HACD4: variants seen among roughly 807,000 people sequenced by gnomAD.
The protein encoded by HACD4 is 3-hydroxyacyl-CoA dehydratase 4, also known as very-long-chain (3R)-3-hydroxyacyl-CoA dehydratase 4.
A neutral mutation model predicts 33.3 loss-of-function variants in HACD4; 35 were observed. The observed-to-expected ratio is 1.05, with a 90% CI of 0.80 to 1.39. The LOEUF (loss-of-function observed/expected upper bound fraction) is 1.39, where lower values mean the gene tolerates loss of function less well. Among genes scored for constraint, HACD4 ranks in the 40% most tolerant of loss-of-function variants. The probability of loss-of-function intolerance (pLI) is 0.00; values close to 1 mark genes in which losing one functional copy is unlikely to be tolerated. For missense variants in HACD4, 323 were observed against 276.5 expected, an observed-to-expected ratio of 1.17 and a Z score of -1.19; for synonymous variants, 118 against 98.0, an observed-to-expected ratio of 1.20 and a Z score of -1.21.
At chr9:21,013,226 A>T (rs1432518351) in intron 4 of HACD4, among the ~76,000 whole-genome samples, 1 of 151,992 alleles carries the variant, frequency 6.6e-6, no homozygotes, top group African/African-American at 2.4e-5. Flanking sequence ...GTGAGTGGTT[A>T]ACTTCATTTT....
chr9:21,010,261 A>C (rs1205172935), intron 5 of HACD4, among the ~76,000 whole-genome samples: 1 of 152,198 alleles, frequency 6.6e-6, no homozygotes, highest in Non-Finnish European at 1.5e-5. Context: ...TTGCAGAAGA[A>C]AGCATATATT....
In HACD4 at chr9:21,023,574, CT is replaced by C. The variant is rs397709627; in HGVS notation, c.270+3021del. On this transcript the variant is annotated intron_variant, in intron 3 of 6. Transcript: ENST00000495827. ...AAGAATTCAGTTGTCACTTAACAAT[CT>C]TTTTTTTTTTTTTTTTTGAGACGGA... Among the ~76,000 whole-genome samples, 995 of 128,896 alleles carry C rather than the reference CT, an allele frequency of 7.7e-3. 7 individuals carry two copies. Among genetic ancestry groups the C allele is most frequent in the African/African-American group, 0.02 (701 of 35,002 alleles). The allele number at this position is 128,896 out of a possible 152,430, so 84.6% of individuals were successfully genotyped here.
Position 21,003,611 on chromosome 9 carries a change from A to AAGTT in HACD4, c.*3422_*3425dup, listed in dbSNP as rs1183106785. 4 of 152,162 alleles carry AAGTT rather than the reference A, an allele frequency of 2.6e-5. No homozygotes were observed. The highest frequency in any genetic ancestry group is 4.4e-5 in the Non-Finnish European group (3 of 68,010). 9.4% of individuals were successfully genotyped at this position (152,162 alleles called of 1,614,324 possible). A position where few individuals can be genotyped will look rare whatever the true frequency, so the allele number is the denominator to read the frequency against. On this transcript the variant is annotated 3_prime_UTR_variant, in exon 7 of 7. Transcript: ENST00000495827. Reference sequence around the variant, plus strand: ...TCCAAATGTTTTCTTTAGTGGAAATAAGTTACCCATTTTTAAAATTACATT... The same window carrying AAGTT: ...TCCAAATGTTTTCTTTAGTGGAAATAAGTTAGTTACCCATTTTTAAAATTACATT...
chr9:21,026,165 G>A (rs911775961), intron 3 of HACD4, among the ~76,000 whole-genome samples: 2 of 152,210 alleles, frequency 1.3e-5, no homozygotes, highest in Non-Finnish European at 2.9e-5. Flanking sequence ...CTCTTTGCCA[G>A]GTATTATTTG....
chr9:21,021,333 C>G (rs1005917823), intron 3 of HACD4, among the ~76,000 whole-genome samples: 1 of 152,166 alleles, frequency 6.6e-6, no homozygotes, highest in African/African-American at 2.4e-5. Context: ...CAGGGATGCC[C>G]TCTCTCACCA....
chr9:21,029,379 G>C lies in HACD4; in HGVS notation c.58C>G (p.Leu20Val), dbSNP rs1455068998. 6.3e-6 allele frequency: 10 copies of C among 1,586,428 alleles called. No individual in the cohort carries two copies. Among genetic ancestry groups the C allele is most frequent in the Non-Finnish European group, 8.6e-6 (10 of 1,157,628 alleles). ...AACTGGATTAAGTAATAGATGAAAA[G>C]ATACGCATTCTTCCTATACCTATAA... Reference protein sequence around the residue: ...LQPRYRKNAYLFIYYLIQFCG... With the variant: ...LQPRYRKNAYVFIYYLIQFCG... Residue 20 changes from leucine to valine, a missense_variant, in exon 2 of 7, where the codon CTT becomes GTT. Leu to Val is a conservative substitution (Grantham distance 32). Transcript: ENST00000495827.
chr9:21,025,829 T>C (rs1201857453), intron 3 of HACD4, among the ~76,000 whole-genome samples: 1 of 152,236 alleles, frequency 6.6e-6, no homozygotes, highest in Non-Finnish European at 1.5e-5. Flanking sequence ...CCGAGTATTG[T>C]ATTCTTAACT....
intron 3 of HACD4, among the ~76,000 whole-genome samples, chr9:21,018,958 C>T (rs1428685528): frequency 2.0e-5 from 3 of 151,992 alleles, no homozygotes; most frequent in Non-Finnish European, 4.4e-5. Flanking sequence ...AAATTAATTT[C>T]TAGAATCTTA....
intron 5 of HACD4, among the ~76,000 whole-genome samples, chr9:21,008,949 C>T (rs537977543): frequency 1.3e-5 from 2 of 152,192 alleles, no homozygotes; most frequent in South Asian, 2.1e-4. Flanking sequence ...CAAGAGTTCA[C>T]AACTGTTAGA....
intron 3 of HACD4, among the ~76,000 whole-genome samples, chr9:21,021,091 C>G (rs530748060): frequency 1.3e-5 from 2 of 152,222 alleles, no homozygotes; most frequent in Non-Finnish European, 2.9e-5. Flanking sequence ...GATCAATAAA[C>G]GTAATCCATC....
At chr9:21,021,227 C>T (rs1817899901) in intron 3 of HACD4, among the ~76,000 whole-genome samples, 1 of 152,128 alleles carries the variant, frequency 6.6e-6, no homozygotes, top group Admixed American at 6.5e-5. Flanking sequence ...TGGGACGTAT[C>T]TCAAAATAAT....
chr9:21,030,936 T>C (rs193282871), intron 1 of HACD4, among the ~76,000 whole-genome samples: 1 of 152,200 alleles, frequency 6.6e-6, no homozygotes, highest in Admixed American at 6.5e-5. Flanking sequence ...GGTCAAGATT[T>C]ACTCCTCCTT....
At chr9:21,023,539 TC>T (rs1817982453) in intron 3 of HACD4, among the ~76,000 whole-genome samples, 1 of 151,026 alleles carries the variant, frequency 6.6e-6, no homozygotes, top group South Asian at 2.1e-4. Context: ...GAGGACCAGT[TC>T]CCCCCAAGAA....
At chr9:21,015,841 G>C in intron 4 of HACD4, 57 bp downstream of exon 4, 1 of 1,025,766 alleles carries the variant, frequency 9.7e-7, no homozygotes, top group South Asian at 1.3e-5. Context: ...TGCTAGTACT[G>C]GTTTCACTGC....
intron 1 of HACD4, 89 bp from the exon 2 acceptor site, chr9:21,029,487 T>G (rs908366835): frequency 4.0e-6 from 3 of 744,878 alleles, no homozygotes; most frequent in Non-Finnish European, 6.5e-6. Flanking sequence ...CTGGCCAACC[T>G]GAGAAAGCAA....
rs920533673 is a variant in HACD4 at position 21,007,882 on chromosome 9, C to T, written c.616+139G>A. ...AGCATTATAACCTCCAGGGGCTTTACTAGCAAGATCTAGTTCATGATGTCA... is the reference window on the plus strand; with the variant it reads ...AGCATTATAACCTCCAGGGGCTTTATTAGCAAGATCTAGTTCATGATGTCA... On this transcript the variant is annotated intron_variant, in intron 6 of 6. Transcript: ENST00000495827. The T allele has an allele frequency of 4.7e-6, 3 of 642,950 alleles. No individual in the cohort carries two copies. In the African/African-American group the frequency reaches 5.7e-5, roughly 12 times the overall value. The allele number at this position is 642,950 out of a possible 1,614,324, so 39.8% of individuals were successfully genotyped here.
chr9:21,027,963 C>T (rs1027015523), intron 2 of HACD4, among the ~76,000 whole-genome samples: 5 of 151,682 alleles, frequency 3.3e-5, no homozygotes, highest in Admixed American at 1.3e-4. Flanking sequence ...GGTGAAACCC[C>T]GTGTCTACTG....
chr9:21,002,690 A>C lies in HACD4; in HGVS notation c.*4347T>G, dbSNP rs1471401963. 1 of 152,182 alleles carries C rather than the reference A, an allele frequency of 6.6e-6. No individual in the cohort carries two copies. Among genetic ancestry groups the C allele is most frequent in the African/African-American group, 2.4e-5 (1 of 41,460 alleles). The allele number at this position is 152,182 out of a possible 1,614,324, so 9.4% of individuals were successfully genotyped here. ...TACTACTACTGAACTGCACACTTAA[A>C]AAGGAATAAGATAGTATATTTTACA... On this transcript the variant is annotated 3_prime_UTR_variant, in exon 7 of 7. Coordinates refer to ENST00000495827, the MANE Select transcript of HACD4 (RefSeq NM_001010915.5).
chr9:21,008,996 T>A (rs1243366512), intron 5 of HACD4, among the ~76,000 whole-genome samples: 4 of 152,172 alleles, frequency 2.6e-5, no homozygotes, highest in Non-Finnish European at 5.9e-5. Flanking sequence ...GTGAAGGATC[T>A]GCCACTGACA....
Sources: allele counts gnomAD v4.1 joint callset (sites outside exome capture counted in the v4.1 genomes callset), GRCh38; gene constraint gnomAD v4.1.1; transcripts MANE v1.5; gene names NCBI Gene and HGNC (gene_info 2026-07-23, HGNC 2026-07-21).